DNPH1: variants seen among roughly 807,000 people sequenced by gnomAD.
DNPH1 encodes the protein 5-hydroxymethyl-dUMP N-hydrolase.
A neutral mutation model predicts 15.7 loss-of-function variants in DNPH1; 18 were observed. That is an observed-to-expected ratio of 1.15 (90% CI 0.79 to 1.70). The LOEUF is 1.70. Ranked by LOEUF, DNPH1 falls within the 40% of genes most tolerant of loss-of-function variation. The pLI is 0.00. For synonymous variants in DNPH1, 114 were observed against 107.9 expected, an observed-to-expected ratio of 1.06 and a Z score of -0.35; for missense variants, 262 against 255.2, an observed-to-expected ratio of 1.03 and a Z score of -0.18.
In DNPH1 at chr6:43,225,721, A is replaced by G; in HGVS notation, c.*12T>C. 3 of 1,613,854 alleles carry G rather than the reference A, an allele frequency of 1.9e-6. No homozygotes were observed. The East Asian group carries it at 6.7e-5, about 36-fold the overall frequency. On this transcript the variant is annotated 3_prime_UTR_variant, in exon 4 of 4. Transcript: ENST00000230431. ...GTCTGAGAATAGAAGAATTTAAGAA[A>G]GTGAGATTAAGTCAAGTGGTTGGGT...
Position 43,226,384 on chromosome 6 carries a change from C to T in DNPH1, c.208G>A (p.Ala70Thr). 6.2e-7 allele frequency: 1 copy of T among 1,612,414 alleles called. No homozygotes were observed. Residue 70 changes from alanine to threonine, a missense_variant, in exon 2 of 4, where the codon GCT (alanine) becomes ACT (threonine). Physicochemically the swap from Ala to Thr is moderately conservative, Grantham distance 58. Transcript: ENST00000230431. This position sits in a 1 kb window ranked among gnomAD's most constrained non-coding sequence, Gnocchi z 4.1. ...TCATGGATGAGCCTGTCACCCCCAG[C>T]AGCCTCTTCCCCTGTGTTGAGGGAA... Reference protein sequence around the residue: ...AELGARGEEAAGGDRLIHEQD... With the variant: ...AELGARGEEATGGDRLIHEQD...
rs1215179359 is a variant in DNPH1, at chr6:43,229,394, C to G, written c.63G>C (p.Pro21=). ...GAATGCTCCCGCAGAAGTACAGGGC[C>G]GGGCGGCCAGGCTCCCCGCGCTCCC... The part of the protein sequence containing the change: ...ESWERGEPGR[P]ALYFCGSIRG... The change falls in exon 1 of 4, where the codon CCG becomes CCC. Residue 21 remains proline, a synonymous_variant. Coordinates refer to ENST00000230431, the MANE Select transcript of DNPH1 (RefSeq NM_006443.3). 2 of 1,453,118 alleles carry G rather than the reference C, an allele frequency of 1.4e-6. No individual in the cohort carries two copies. The highest frequency in any genetic ancestry group is 9.1e-7 in the Non-Finnish European group (1 of 1,101,296). The allele number at this position is 1,453,118 out of a possible 1,614,324, so 90.0% of individuals were successfully genotyped here.
intron 1 of DNPH1, 191 bp downstream of exon 1, chr6:43,229,069 AC>A: frequency 1.8e-6 from 1 of 547,612 alleles, no homozygotes; most frequent in African/African-American, 2.0e-5. Flanking sequence ...GCTTGCTGGG[AC>A]CCACGCAGCC....
At position 43,229,427 on chromosome 6, in the gene DNPH1, G is replaced by C; in HGVS notation, c.30C>G (p.Ser10Arg). The C allele has an allele frequency of 2.1e-6, 3 of 1,400,302 alleles. No individual in the cohort carries two copies. Among genetic ancestry groups the C allele is most frequent in the Non-Finnish European group, 2.8e-6 (3 of 1,073,194 alleles). 86.7% of individuals were successfully genotyped at this position (1,400,302 alleles called of 1,614,324 possible). A position where few individuals can be genotyped will look rare whatever the true frequency, so the allele number is the denominator to read the frequency against. Residue 10 changes from serine (S) to arginine (R), a missense_variant, in exon 1 of 4, where the codon AGC becomes AGG. Transcript: ENST00000230431. MAAAMVPGR[S>R]ESWERGEPGR... is the part of the protein sequence containing the mutation. The stretch of plus-strand genomic sequence containing the variant: ...CAGGCTCCCCGCGCTCCCAGCTCTC[G>C]CTGCGCCCCGGCACCATGGCAGCAG...
intron 3 of DNPH1, 70 bp downstream of exon 3, chr6:43,225,963 C>T: frequency 1.2e-6 from 2 of 1,613,046 alleles, no homozygotes; most frequent in Non-Finnish European, 1.7e-6. Context: ...GCGCGGTGCT[C>T]AGAGCCCACC....
Position 43,226,012 on chromosome 6 carries a change from AG to A in DNPH1, c.376+20del. On this transcript the variant is annotated intron_variant, in intron 3 of 3. Transcript: ENST00000230431. This position sits in a 1 kb window ranked among gnomAD's most constrained non-coding sequence, Gnocchi z 4.1. ...AGGGCTGGGTCCATAGAAAGCCAGG[AG>A]GGAGGCTTGGGGTGCTCACCGCGGC... 1 of 1,613,718 alleles carries A rather than the reference AG, an allele frequency of 6.2e-7. No homozygotes were observed. The highest frequency in any genetic ancestry group is 1.1e-5 in the South Asian group (1 of 91,046).
chr6:43,228,431 G>A (rs899563472), intron 1 of DNPH1, among the ~76,000 whole-genome samples: 1 of 152,176 alleles, frequency 6.6e-6, no homozygotes, highest in East Asian at 1.9e-4. Flanking sequence ...CAGCCTGGGC[G>A]ACAGAGAGGC....
At chr6:43,228,657 C>T (rs542070225) in intron 1 of DNPH1, among the ~76,000 whole-genome samples, 1 of 152,182 alleles carries the variant, frequency 6.6e-6, no homozygotes, top group Admixed American at 6.5e-5. Context: ...GAAACACCGT[C>T]TCTACTAAAA....
rs1582454826 is a variant in DNPH1, at chr6:43,226,147, G to A, written c.266-4C>T. Reference sequence around the variant, plus strand: ...TGTGTCACTTCTGCCACGACCACTGGGAGGAAAGATGAGAGGAAGCCTCAG... The same window carrying A: ...TGTGTCACTTCTGCCACGACCACTGAGAGGAAAGATGAGAGGAAGCCTCAG... On this transcript the variant is annotated splice_region_variant and splice_polypyrimidine_tract_variant and intron_variant, in intron 2 of 3. Transcript: ENST00000230431. The surrounding 1 kb of genome is among the most constrained non-coding windows in gnomAD (Gnocchi z 4.1). The A allele has an allele frequency of 1.2e-6, 2 of 1,612,928 alleles. No homozygotes were observed. The highest frequency in any genetic ancestry group is 3.3e-5 in the Admixed American group (2 of 59,996).
Position 43,226,372 on chromosome 6 carries a change from T to A in DNPH1, c.220A>T (p.Arg74Trp). ...ARGEEAAGGD[R>W]LIHEQDLEWL... ...TCCAGGTCCTGCTCATGGATGAGCC[T>A]GTCACCCCCAGCAGCCTCTTCCCCT... Residue 74 changes from arginine to tryptophan, a missense_variant, in exon 2 of 4, where the codon AGG (arginine) becomes TGG (tryptophan). By Grantham distance (101) the Arg-to-Trp change is moderately radical. Transcript: ENST00000230431. This position sits in a 1 kb window ranked among gnomAD's most constrained non-coding sequence, Gnocchi z 4.1. 1 of 1,612,852 alleles carries A rather than the reference T, an allele frequency of 6.2e-7. No individual in the cohort carries two copies. The highest frequency in any genetic ancestry group is 8.5e-7 in the Non-Finnish European group (1 of 1,179,928).
rs1776792958 is a variant in DNPH1 at position 43,229,440 on chromosome 6, A to G, written c.17T>C (p.Val6Ala). The part of the protein sequence containing the change: MAAAM[V>A]PGRSESWERG... ...CTCCCAGCTCTCGCTGCGCCCCGGCACCATGGCAGCAGCCATTCCCCAGCC... is the reference window on the plus strand; with the variant it reads ...CTCCCAGCTCTCGCTGCGCCCCGGCGCCATGGCAGCAGCCATTCCCCAGCC... The change falls in exon 1 of 4, where the codon GTG becomes GCG. Residue 6 changes from valine (V) to alanine (A), a missense_variant. Coordinates refer to ENST00000230431, the MANE Select transcript of DNPH1 (RefSeq NM_006443.3). 4 of 1,358,760 alleles carry G rather than the reference A, an allele frequency of 2.9e-6. No individual in the cohort carries two copies. The highest frequency in any genetic ancestry group is 9.5e-7 in the Non-Finnish European group (1 of 1,053,590). The allele number at this position is 1,358,760 out of a possible 1,614,324, so 84.2% of individuals were successfully genotyped here.
At chr6:43,229,079 C>T (rs914990785) in intron 1 of DNPH1, 182 bp downstream of exon 1, 24 of 602,954 alleles carry the variant, frequency 4.0e-5, no homozygotes, top group Non-Finnish European at 6.5e-5. Flanking sequence ...ACCCACGCAG[C>T]CCGAGCCCCG....
intron 1 of DNPH1, among the ~76,000 whole-genome samples, chr6:43,227,275 C>T (rs183349745): frequency 1.1e-3 from 167 of 151,474 alleles, no homozygotes; most frequent in African/African-American, 3.8e-3. Context: ...ATTAGCCAGG[C>T]GTGGTAGCAG....
chr6:43,226,160 G>A lies in DNPH1; in HGVS notation c.266-17C>T, dbSNP rs201993366. On this transcript the variant is annotated splice_polypyrimidine_tract_variant and intron_variant, in intron 2 of 3. Transcript: ENST00000230431. The surrounding 1 kb of genome is among the most constrained non-coding windows in gnomAD (Gnocchi z 4.1). Reference sequence around the variant, plus strand: ...CCACGACCACTGGGAGGAAAGATGAGAGGAAGCCTCAGCATTGGGGGCACT... The same window carrying A: ...CCACGACCACTGGGAGGAAAGATGAAAGGAAGCCTCAGCATTGGGGGCACT... 3 of 1,612,654 alleles carry A rather than the reference G, an allele frequency of 1.9e-6. No individual in the cohort carries two copies. Among genetic ancestry groups the A allele is most frequent in the Non-Finnish European group, 2.5e-6 (3 of 1,179,916 alleles).
chr6:43,226,670 G>A lies in DNPH1; in HGVS notation c.197-275C>T. The stretch of plus-strand genomic sequence containing the variant: ...TGACATTGATTAGGGAAAGGTGCAT[G>A]GGCACTTAGCCAAAAGTAGGAGAGG... On this transcript the variant is annotated intron_variant, in intron 1 of 3. Transcript: ENST00000230431. The surrounding 1 kb of genome is among the most constrained non-coding windows in gnomAD (Gnocchi z 4.1). The A allele has an allele frequency of 2.1e-6, 1 of 473,642 alleles. No individual in the cohort carries two copies. The highest frequency in any genetic ancestry group is 3.7e-6 in the Non-Finnish European group (1 of 267,714). 29.3% of individuals were successfully genotyped at this position (473,642 alleles called of 1,614,324 possible).
Position 43,226,234 on chromosome 6 carries a change from C to T in DNPH1, c.266-91G>A. ...GTGTGGCTGTGGTGAGGAGGGAACTCTGGGAGTCCCTTCTAGGTGTGGAGG... is the reference window on the plus strand; with the variant it reads ...GTGTGGCTGTGGTGAGGAGGGAACTTTGGGAGTCCCTTCTAGGTGTGGAGG... On this transcript the variant is annotated intron_variant, in intron 2 of 3. Transcript: ENST00000230431. This position sits in a 1 kb window ranked among gnomAD's most constrained non-coding sequence, Gnocchi z 4.1. 1.2e-6 allele frequency: 2 copies of T among 1,600,118 alleles called. No homozygotes were observed. The highest frequency in any genetic ancestry group is 8.5e-7 in the Non-Finnish European group (1 of 1,174,390).
At position 43,226,294 on chromosome 6, in the gene DNPH1, A is replaced by T; in HGVS notation, c.265+33T>A. 6.2e-7 allele frequency: 1 copy of T among 1,608,718 alleles called. No individual in the cohort carries two copies. The highest frequency in any genetic ancestry group is 8.5e-7 in the Non-Finnish European group (1 of 1,178,416). On this transcript the variant is annotated intron_variant, in intron 2 of 3. Coordinates refer to ENST00000230431, the MANE Select transcript of DNPH1 (RefSeq NM_006443.3). The surrounding 1 kb of genome is among the most constrained non-coding windows in gnomAD (Gnocchi z 4.1). ...CCAGGGGAACCCAGCACTCCAGAGG[A>T]GTTAGGTGCTGGAAGGAGGGAGCGC...
rs1174017240 is a variant in DNPH1, at chr6:43,229,398, C to A, written c.59G>T (p.Arg20Leu). The change falls in exon 1 of 4, where the codon CGC becomes CTC. Residue 20 changes from arginine to leucine, a missense_variant. Transcript: ENST00000230431. ...GCTCCCGCAGAAGTACAGGGCCGGG[C>A]GGCCAGGCTCCCCGCGCTCCCAGCT... ...SESWERGEPG[R>L]PALYFCGSIR... is the part of the protein sequence containing the mutation. 4 of 1,440,590 alleles carry A rather than the reference C, an allele frequency of 2.8e-6. No homozygotes were observed. Among genetic ancestry groups the A allele is most frequent in the Admixed American group, 2.5e-5 (1 of 40,288 alleles). 89.2% of individuals were successfully genotyped at this position (1,440,590 alleles called of 1,614,324 possible).
rs139790894 is a variant in DNPH1 at position 43,226,387 on chromosome 6, C to G, written c.205G>C (p.Ala69Pro). The G allele has an allele frequency of 1.1e-4, 180 of 1,612,144 alleles. No individual in the cohort carries two copies. Among genetic ancestry groups the G allele is most frequent in the Non-Finnish European group, 1.5e-4 (172 of 1,179,764 alleles). The change falls in exon 2 of 4, where the codon GCT becomes CCT. Residue 69 changes from alanine to proline, a missense_variant. Transcript: ENST00000230431. This position sits in a 1 kb window ranked among gnomAD's most constrained non-coding sequence, Gnocchi z 4.1. ...AAELGARGEE[A>P]AGGDRLIHEQ... ...TGGATGAGCCTGTCACCCCCAGCAG[C>G]CTCTTCCCCTGTGTTGAGGGAAAGC...
Sources: gnomAD v4.1 joint callset for allele counts (sites outside exome capture counted in the v4.1 genomes callset) on GRCh38, gnomAD v4.1.1 for gene constraint, Gnocchi (gnomAD v3.1) non-coding constraint, MANE v1.5 for transcripts, NCBI Gene and HGNC (gene_info 2026-07-23, HGNC 2026-07-21) for gene names.